Variants in KCNB2 observed in about 807,000 individuals in gnomAD.
KCNB2 encodes the protein delayed rectifier potassium channel protein.
Under a neutral mutation model 61.5 loss-of-function variants are expected in KCNB2, and 15 were observed. The ratio of observed to expected loss-of-function variants is 0.24; its 90% CI spans 0.16 to 0.38. The LOEUF (loss-of-function observed/expected upper bound fraction) is 0.38. Among genes scored for constraint, KCNB2 ranks in the 10% least tolerant of loss-of-function variants. The pLI is 1.00. For synonymous variants in KCNB2, 457 were observed against 446.0 expected (o/e 1.02, Z -0.31); for missense variants, 828 against 1,125.2 (o/e 0.74, Z 3.78).
intron 2 of KCNB2, among the ~76,000 whole-genome samples, chr8:72,729,682 G>C: frequency 6.6e-6 from 1 of 152,118 alleles, no homozygotes; most frequent in Non-Finnish European, 1.5e-5. Flanking sequence ...TCAGGAGTTC[G>C]AGACCAGCCT....
At chr8:72,908,072 G>A (rs771192807) in intron 2 of KCNB2, among the ~76,000 whole-genome samples, 4 of 152,060 alleles carry the variant, frequency 2.6e-5, no homozygotes, top group Non-Finnish European at 5.9e-5. Context: ...CTAAGAAAAT[G>A]TCTAAACTGA....
At chr8:72,934,116 G>C (rs1189515214) in intron 2 of KCNB2, among the ~76,000 whole-genome samples, 1 of 152,034 alleles carries the variant, frequency 6.6e-6, no homozygotes, top group Non-Finnish European at 1.5e-5. Flanking sequence ...AAAGGGGCCA[G>C]GCACAGTGGC....
intron 2 of KCNB2, among the ~76,000 whole-genome samples, chr8:72,606,554 A>T (rs1488413314): frequency 1.3e-5 from 2 of 152,188 alleles, no homozygotes; most frequent in Non-Finnish European, 2.9e-5. Context: ...ACAGGCCATT[A>T]ATTTTTCAGC....
At chr8:72,826,691 T>C (rs1483706347) in intron 2 of KCNB2, among the ~76,000 whole-genome samples, 2 of 152,224 alleles carry the variant, frequency 1.3e-5, no homozygotes, top group African/African-American at 4.8e-5. Context: ...GATGAAGTAA[T>C]TGACTCCTTA....
intron 2 of KCNB2, among the ~76,000 whole-genome samples, chr8:72,813,230 T>C (rs1169728579): frequency 6.6e-6 from 1 of 152,152 alleles, no homozygotes; most frequent in Non-Finnish European, 1.5e-5. Context: ...TGTTGGTGAT[T>C]CTCATGAGAA....
intron 2 of KCNB2, among the ~76,000 whole-genome samples, chr8:72,725,020 T>G (rs985870594): frequency 2.6e-5 from 4 of 152,174 alleles, no homozygotes; most frequent in Non-Finnish European, 5.9e-5. Flanking sequence ...CAAAATTGTT[T>G]TAAGGTTTAG....
At chr8:72,802,072 T>C (rs890449569) in intron 2 of KCNB2, among the ~76,000 whole-genome samples, 2 of 152,210 alleles carry the variant, frequency 1.3e-5, no homozygotes, top group African/African-American at 4.8e-5. Flanking sequence ...TCCTCCTACC[T>C]AATTCATCCC....
intron 2 of KCNB2, among the ~76,000 whole-genome samples, chr8:72,828,895 T>C (rs545439691): frequency 1.6e-4 from 24 of 152,182 alleles, no homozygotes; most frequent in Admixed American, 9.2e-4. Flanking sequence ...GTATTTCTGA[T>C]TCAGCCTTAT....
At position 72,766,774 on chromosome 8, in the gene KCNB2, A is replaced by G. The variant is rs145156312; in HGVS notation, c.580-169161A>G. On this transcript the variant is annotated intron_variant, in intron 2 of 2. Transcript: ENST00000523207. ...TCCATTTGGAGTGCTAAGAAGATCT[A>G]TAAGGAGTATATAAAGGAAACAGAA... 4.5e-3 allele frequency among the ~76,000 whole-genome samples: 690 copies of G among 152,346 alleles called. 1 individual carries two copies. Among genetic ancestry groups the G allele is most frequent in the Admixed American group, 0.01 (154 of 15,294 alleles).
intron 2 of KCNB2, among the ~76,000 whole-genome samples, chr8:72,927,136 T>C (rs1380449710): frequency 6.6e-6 from 1 of 152,154 alleles, no homozygotes; most frequent in Non-Finnish European, 1.5e-5. Context: ...ATGTGGTTGT[T>C]CTGGGGACAA....
At chr8:72,760,409 G>A (rs1331083993) in intron 2 of KCNB2, among the ~76,000 whole-genome samples, 1 of 152,088 alleles carries the variant, frequency 6.6e-6, no homozygotes, top group Non-Finnish European at 1.5e-5. Flanking sequence ...AATCATGTAG[G>A]CCAGTACTGA....
intron 2 of KCNB2, among the ~76,000 whole-genome samples, chr8:72,915,066 C>G (rs2981120): frequency 0.59 from 89,646 of 151,714 alleles, 27,747 homozygotes; most frequent in Middle Eastern, 0.7. Context: ...CACCATGCCC[C>G]GCTAATTTTT....
At chr8:72,565,677 A>AAC (rs1195742605) in intron 1 of KCNB2, among the ~76,000 whole-genome samples, 4 of 151,336 alleles carry the variant, frequency 2.6e-5, no homozygotes, top group Non-Finnish European at 4.4e-5. Context: ...ACACACACAC[A>AAC]ACACACACAC....
At chr8:72,886,248 C>T (rs1342159543) in intron 2 of KCNB2, among the ~76,000 whole-genome samples, 1 of 152,194 alleles carries the variant, frequency 6.6e-6, no homozygotes, top group Non-Finnish European at 1.5e-5. Flanking sequence ...TTCCCCACCT[C>T]CCTGTTACTC....
intron 2 of KCNB2, among the ~76,000 whole-genome samples, chr8:72,888,734 G>T (rs1015628030): frequency 6.6e-6 from 1 of 151,954 alleles, no homozygotes; most frequent in African/African-American, 2.4e-5. Flanking sequence ...TAAAACTATG[G>T]GATATAGACT....
intron 2 of KCNB2, among the ~76,000 whole-genome samples, chr8:72,600,075 C>T (rs1807269113): frequency 6.6e-6 from 1 of 152,200 alleles, no homozygotes; most frequent in Non-Finnish European, 1.5e-5. Context: ...CCATTTGACC[C>T]AGCCATCCCA....
chr8:72,820,830 A>G (rs1809485304), intron 2 of KCNB2, among the ~76,000 whole-genome samples: 1 of 152,198 alleles, frequency 6.6e-6, no homozygotes, highest in African/African-American at 2.4e-5. Context: ...TCATTCAGAC[A>G]GAATCATCCT....
At chr8:72,585,192 T>C (rs937667430) in intron 2 of KCNB2, among the ~76,000 whole-genome samples, 16 of 152,256 alleles carry the variant, frequency 1.1e-4, no homozygotes, top group African/African-American at 3.9e-4. Flanking sequence ...TGTTAGTTTC[T>C]GTCCCTGGCC....
At chr8:72,920,712 G>A (rs557140473) in intron 2 of KCNB2, among the ~76,000 whole-genome samples, 2 of 151,670 alleles carry the variant, frequency 1.3e-5, no homozygotes, top group Admixed American at 1.3e-4. Context: ...TTAATATATG[G>A]CATTTTCTTA....
Sources: gnomAD v4.1 joint callset for allele counts (sites outside exome capture counted in the v4.1 genomes callset) on GRCh38, gnomAD v4.1.1 for gene constraint, MANE v1.5 for transcripts, NCBI Gene and HGNC (gene_info 2026-07-23, HGNC 2026-07-21) for gene names.